The following NDUFA7 variants were observed in gnomAD, a reference collection of about 807,000 sequenced individuals.
NDUFA7 encodes NADH dehydrogenase [ubiquinone] 1 alpha subcomplex subunit 7.
A neutral mutation model predicts 14.2 loss-of-function variants in NDUFA7; 18 were observed. The ratio of observed to expected loss-of-function variants is 1.27; its 90% confidence interval spans 0.88 to 1.88. The LOEUF (loss-of-function observed/expected upper bound fraction) is 1.88, where lower values mean the gene tolerates loss of function less well. Among genes scored for constraint, NDUFA7 ranks in the 40% most tolerant of loss-of-function variants. The pLI, the probability that NDUFA7 is intolerant of heterozygous loss-of-function variation, is 0.00. For missense variants in NDUFA7, 172 were observed against 147.3 expected, an observed-to-expected ratio of 1.17 and a Z score of -0.87; for synonymous variants, 75 against 62.1, an observed-to-expected ratio of 1.21 and a Z score of -0.98.
intron 3 of NDUFA7, among the ~76,000 whole-genome samples, chr19:8,313,413 G>A (rs1460240275): frequency 6.6e-6 from 1 of 151,660 alleles, no homozygotes; most frequent in Admixed American, 6.6e-5. Flanking sequence ...TGTATTTTTA[G>A]TACAGACAGG....
intron 2 of NDUFA7, among the ~76,000 whole-genome samples, chr19:8,318,918 C>T (rs1970267452): frequency 1.3e-5 from 2 of 149,916 alleles, no homozygotes; most frequent in African/African-American, 4.9e-5. Context: ...TTGCAGTGAT[C>T]TCAGATCCGC....
At chr19:8,309,878 G>A (rs1568560646), downstream of NDUFA7, among the ~76,000 whole-genome samples, 1 of 152,150 alleles carries the variant, frequency 6.6e-6, no homozygotes, top group Non-Finnish European at 1.5e-5. Flanking sequence ...CCCTCCCTTT[G>A]CAGATTTCTG....
In NDUFA7 at chr19:8,316,569, G is replaced by A. The variant is rs548944919; in HGVS notation, c.178C>T (p.Arg60Cys). 46 of 1,614,146 alleles carry A rather than the reference G, an allele frequency of 2.8e-5. No individual in the cohort carries two copies. The East Asian group carries it at 6.9e-4, about 24-fold the overall frequency. Reference sequence around the variant, plus strand: ...ATGGAAGGGGGCACAGATTCCCGGCGGCCATCGCGAGTGCAATAGTAATTG... The same window carrying A: ...ATGGAAGGGGGCACAGATTCCCGGCAGCCATCGCGAGTGCAATAGTAATTG... ...SNNYYCTRDGRRESVPPSIIM... is the reference protein window; with the variant it reads ...SNNYYCTRDGCRESVPPSIIM... Residue 60 changes from arginine (R) to cysteine (C), a missense_variant, in exon 3 of 4, where the codon CGC becomes TGC. Coordinates refer to ENST00000301457, the MANE Select transcript of NDUFA7 (RefSeq NM_005001.5).
chr19:8,319,936 C>G (rs1004865479), intron 2 of NDUFA7, among the ~76,000 whole-genome samples: 19 of 152,184 alleles, frequency 1.2e-4, no homozygotes, highest in African/African-American at 4.1e-4. Flanking sequence ...ATATCCACCT[C>G]CTGTGTTCAA....
At position 8,311,604 on chromosome 19, in the gene NDUFA7, G is replaced by A. The variant is rs755386066; in HGVS notation, c.252-9C>T. 1 of 1,609,582 alleles carries A rather than the reference G, an allele frequency of 6.2e-7. No individual in the cohort carries two copies. Among genetic ancestry groups the A allele is most frequent in the Non-Finnish European group, 8.5e-7 (1 of 1,177,546 alleles). On this transcript the variant is annotated splice_polypyrimidine_tract_variant and intron_variant, in intron 3 of 3. Coordinates refer to ENST00000301457, the MANE Select transcript of NDUFA7 (RefSeq NM_005001.5). The stretch of plus-strand genomic sequence containing the variant: ...TGGCAGCTACAGCAGAGCTGGAGGA[G>A]GGAAAGACTTCAGTGAGGGTTTCCA...
intron 3 of NDUFA7, 30 bp from the exon 4 acceptor site, chr19:8,311,625 T>C: frequency 6.3e-7 from 1 of 1,594,638 alleles, no homozygotes; most frequent in Non-Finnish European, 8.6e-7. Flanking sequence ...CAGTGAGGGT[T>C]TCCAAAGAAC....
chr19:8,317,315 C>A (rs1424388420), intron 2 of NDUFA7, among the ~76,000 whole-genome samples: 1 of 152,066 alleles, frequency 6.6e-6, no homozygotes, highest in Non-Finnish European at 1.5e-5. Context: ...GCCTGTAATC[C>A]CAGCACTTTG....
chr19:8,321,280 A>C, intron 1 of NDUFA7, 28 bp downstream of exon 1: 1 of 1,536,614 alleles, frequency 6.5e-7, no homozygotes, highest in Non-Finnish European at 8.8e-7. Flanking sequence ...GAAGCCCCCC[A>C]TGGTGCAGCC....
intron 2 of NDUFA7, among the ~76,000 whole-genome samples, chr19:8,320,290 T>G (rs1474715792): frequency 2.0e-5 from 3 of 152,222 alleles, no homozygotes; most frequent in African/African-American, 7.2e-5. Flanking sequence ...CTTATTTTGT[T>G]TTGTCTTCAA....
intron 3 of NDUFA7, among the ~76,000 whole-genome samples, chr19:8,312,026 G>A (rs1970184250): frequency 6.6e-6 from 1 of 152,266 alleles, no homozygotes; most frequent in Admixed American, 6.5e-5. Flanking sequence ...CTGCATGGCA[G>A]GCGCTACTGT....
intron 3 of NDUFA7, among the ~76,000 whole-genome samples, chr19:8,313,452 G>A (rs772066028): frequency 1.3e-5 from 2 of 150,668 alleles, no homozygotes; most frequent in African/African-American, 2.4e-5. Flanking sequence ...CGATGGTCTC[G>A]ATCTCCTGAC....
intron 2 of NDUFA7, chr19:8,319,178 A>G (rs1369757405): frequency 6.6e-6 from 1 of 152,102 alleles, no homozygotes; most frequent in Non-Finnish European, 1.5e-5. Flanking sequence ...TACCTAAGTG[A>G]TAGGTTGATC....
chr19:8,316,537 C>A lies in NDUFA7; in HGVS notation c.210G>T (p.Met70Ile), dbSNP rs1363756434. 1 of 1,613,972 alleles carries A rather than the reference C, an allele frequency of 6.2e-7. No individual in the cohort carries two copies. The highest frequency in any genetic ancestry group is 8.5e-7 in the Non-Finnish European group (1 of 1,180,032). Residue 70 changes from methionine (M) to isoleucine (I), a missense_variant, in exon 3 of 4, where the codon ATG becomes ATT. By Grantham distance (10) the Met-to-Ile change is conservative. Coordinates refer to ENST00000301457, the MANE Select transcript of NDUFA7 (RefSeq NM_005001.5). ...RRESVPPSII[M>I]SSQKALVSGK... ...CTGACACCAGCGCCTTCTGCGACGA[C>A]ATGATGATGGAAGGGGGCACAGATT...
intron 2 of NDUFA7, 111 bp downstream of exon 2, chr19:8,320,746 C>T: frequency 7.6e-7 from 1 of 1,309,144 alleles, no homozygotes; most frequent in Non-Finnish European, 1.1e-6. Flanking sequence ...TGGCAGGGGA[C>T]TGGTGGCAGG....
At chr19:8,315,253 C>G (rs535162723) in intron 3 of NDUFA7, among the ~76,000 whole-genome samples, 1 of 152,284 alleles carries the variant, frequency 6.6e-6, no homozygotes, top group African/African-American at 2.4e-5. Flanking sequence ...GACCGTCCCC[C>G]AGCCCGACAC....
Position 8,316,544 on chromosome 19 carries a change from A to C in NDUFA7, c.203T>G (p.Ile68Ser). Reference protein sequence around the residue: ...DGRRESVPPSIIMSSQKALVS... With the variant: ...DGRRESVPPSSIMSSQKALVS... ...CAGCGCCTTCTGCGACGACATGATGATGGAAGGGGGCACAGATTCCCGGCG... is the reference window on the plus strand; with the variant it reads ...CAGCGCCTTCTGCGACGACATGATGCTGGAAGGGGGCACAGATTCCCGGCG... Residue 68 changes from isoleucine to serine, a missense_variant, in exon 3 of 4, where the codon ATC becomes AGC. Coordinates refer to ENST00000301457, the MANE Select transcript of NDUFA7 (RefSeq NM_005001.5). 7 of 1,614,096 alleles carry C rather than the reference A, an allele frequency of 4.3e-6. No individual in the cohort carries two copies. The highest frequency in any genetic ancestry group is 3.3e-4 in the Middle Eastern group (2 of 6,062).
downstream of NDUFA7, among the ~76,000 whole-genome samples, chr19:8,309,919 C>T (rs1261722701): frequency 6.6e-6 from 1 of 152,212 alleles, no homozygotes; most frequent in Non-Finnish European, 1.5e-5. Context: ...TGCCTTCCTT[C>T]TGGGGCGAAT....
At chr19:8,315,792 T>C (rs1444525273) in intron 3 of NDUFA7, among the ~76,000 whole-genome samples, 1 of 152,006 alleles carries the variant, frequency 6.6e-6, no homozygotes, top group Non-Finnish European at 1.5e-5. Flanking sequence ...CCCACAGGTG[T>C]GGAGGGGCAA....
intron 2 of NDUFA7, 36 bp downstream of exon 2, chr19:8,320,821 G>C: frequency 4.3e-6 from 7 of 1,613,356 alleles, no homozygotes; most frequent in Non-Finnish European, 5.9e-6. Context: ...AGAAAGGACA[G>C]AGCCAGAGGC....
Sources: gnomAD v4.1 joint callset for allele counts (sites outside exome capture counted in the v4.1 genomes callset) on GRCh38, gnomAD v4.1.1 for gene constraint, MANE v1.5 for transcripts, NCBI Gene and HGNC (gene_info 2026-07-23, HGNC 2026-07-21) for gene names.